The following EVPL variants were observed in gnomAD, a reference collection of about 807,000 sequenced individuals.
EVPL encodes the protein envoplakin.
Under a neutral mutation model 129.7 loss-of-function variants are expected in EVPL, and 94 were observed. The observed-to-expected ratio is 0.72, with a 90% CI of 0.61 to 0.86. The LOEUF is 0.86. Among genes scored for constraint, EVPL ranks in the 40% least tolerant of loss-of-function variants. The pLI, the probability that EVPL is intolerant of heterozygous loss-of-function variation, is 0.00. For synonymous variants in EVPL, 1,172 were observed against 1,191.1 expected, an observed-to-expected ratio of 0.98 and a Z score of 0.33; for missense variants, 2,625 against 2,721.1, an observed-to-expected ratio of 0.96 and a Z score of 0.79.
rs1441678374 is a variant in EVPL at position 76,009,512 on chromosome 17, C to T, written c.3693G>A (p.Val1231=). 1.9e-6 allele frequency: 3 copies of T among 1,613,966 alleles called. No homozygotes were observed. Among genetic ancestry groups the T allele is most frequent in the African/African-American group, 2.7e-5 (2 of 74,920 alleles). ...CCTCCAGGTCGGGCAGCAGCTTCTCCACCTCCTTCTCCACACCGCTCCTCT... is the reference window on the plus strand; with the variant it reads ...CCTCCAGGTCGGGCAGCAGCTTCTCTACCTCCTTCTCCACACCGCTCCTCT... ...AGKRSGVEKE[V]EKLLPDLEVL... Residue 1231 remains valine (V), a synonymous_variant, in exon 22 of 22, where the codon GTG becomes GTA. Transcript: ENST00000301607. The surrounding 1 kb of genome is among the most constrained non-coding windows in gnomAD (Gnocchi z 5.9).
At chr17:76,016,792 A>G (rs745329666) in intron 14 of EVPL, among the ~76,000 whole-genome samples, 2 of 151,974 alleles carry the variant, frequency 1.3e-5, no homozygotes, top group Non-Finnish European at 2.9e-5. Context: ...TGTGGTCCCA[A>G]CTACTCGGGA....
Position 76,009,517 on chromosome 17 carries a change from CCTT to C in EVPL, c.3685_3687del (p.Lys1229del). On this transcript the variant is annotated inframe_deletion, in exon 22 of 22. Coordinates refer to ENST00000301607, the MANE Select transcript of EVPL (RefSeq NM_001988.4). This position sits in a 1 kb window ranked among gnomAD's most constrained non-coding sequence, Gnocchi z 5.9. ...AGGTCGGGCAGCAGCTTCTCCACCT[CCTT>C]CTCCACACCGCTCCTCTTGCCCGCC... 6.2e-7 allele frequency: 1 copy of C among 1,614,038 alleles called. No homozygotes were observed. The highest frequency in any genetic ancestry group is 1.1e-5 in the South Asian group (1 of 91,084).
Position 76,009,727 on chromosome 17 carries a change from C to G in EVPL, c.3478G>C (p.Glu1160Gln), listed in dbSNP as rs763830732. ...QESSRLRSLL[E>Q]EERTKNATLA... The stretch of plus-strand genomic sequence containing the variant: ...GTCGCGTTCTTGGTCCTCTCCTCCT[C>G]GAGGAGGCTCCTCAGCCTGGAGGAC... Residue 1160 changes from glutamate (E) to glutamine (Q), a missense_variant, in exon 22 of 22, where the codon GAG becomes CAG. Glu to Gln is a conservative substitution (Grantham distance 29). Around this residue, in one of 4 missense-constraint regions of EVPL, gnomAD observed 1,453 missense variants for 1,511.8 expected, o/e 0.96. Coordinates refer to ENST00000301607, the MANE Select transcript of EVPL (RefSeq NM_001988.4). The surrounding 1 kb of genome is among the most constrained non-coding windows in gnomAD (Gnocchi z 5.9). 1 of 1,613,662 alleles carries G rather than the reference C, an allele frequency of 6.2e-7. No individual in the cohort carries two copies. Among genetic ancestry groups the G allele is most frequent in the Non-Finnish European group, 8.5e-7 (1 of 1,180,002 alleles).
In EVPL at chr17:76,021,367, G is replaced by T. The variant is rs2066455724; in HGVS notation, c.1011+101C>A. 10 of 1,128,244 alleles carry T rather than the reference G, an allele frequency of 8.9e-6. No individual in the cohort carries two copies. In the South Asian group the frequency reaches 1.3e-4, roughly 14 times the overall value. The allele number at this position is 1,128,244 out of a possible 1,614,324, so 69.9% of individuals were successfully genotyped here. ...CACCGCGCCCTGCCAGCTCTGTCTA[G>T]TTGGGAGGTGCAGTGCCTCTCCTGT... On this transcript the variant is annotated intron_variant, in intron 9 of 21. Transcript: ENST00000301607.
chr17:76,025,525 C>A (rs2066492555), intron 1 of EVPL, among the ~76,000 whole-genome samples: 1 of 152,216 alleles, frequency 6.6e-6, no homozygotes. Flanking sequence ...CCTGGGCGCC[C>A]CTCCTCAGGT....
chr17:76,015,393 A>C, intron 15 of EVPL, 28 bp from the exon 16 acceptor site: 1 of 1,602,666 alleles, frequency 6.2e-7, no homozygotes, highest in South Asian at 1.1e-5. Flanking sequence ...AGGCTCAGAC[A>C]CTCCCTGGGC....
rs75214858 is a variant in EVPL, at chr17:76,009,078, A to G, written c.4127T>C (p.Val1376Ala). The G allele has an allele frequency of 7.4e-6, 12 of 1,613,408 alleles. No individual in the cohort carries two copies. Among genetic ancestry groups the G allele is most frequent in the East Asian group, 4.5e-5 (2 of 44,832 alleles). Residue 1376 changes from valine (V) to alanine (A), a missense_variant, in exon 22 of 22, where the codon GTG becomes GCG. By Grantham distance (64) the Val-to-Ala change is moderately conservative. Transcript: ENST00000301607. This position sits in a 1 kb window ranked among gnomAD's most constrained non-coding sequence, Gnocchi z 5.9. Reference sequence around the variant, plus strand: ...CAGCTTCGGGTCCTTCTGGGTGACCACCACCTCCTGCACCACCACCTTCTC... The same window carrying G: ...CAGCTTCGGGTCCTTCTGGGTGACCGCCACCTCCTGCACCACCACCTTCTC... ...PEEKVVVQEVVVTQKDPKLRE... is the reference protein window; with the variant it reads ...PEEKVVVQEVAVTQKDPKLRE...
Position 76,009,446 on chromosome 17 carries a change from C to A in EVPL, c.3759G>T (p.Val1253=). 6.2e-7 allele frequency: 1 copy of A among 1,614,158 alleles called. No homozygotes were observed. The highest frequency in any genetic ancestry group is 8.5e-7 in the Non-Finnish European group (1 of 1,180,022). The change falls in exon 22 of 22, where the codon GTG becomes GTT. Residue 1253 remains valine, a synonymous_variant. Transcript: ENST00000301607. This position sits in a 1 kb window ranked among gnomAD's most constrained non-coding sequence, Gnocchi z 5.9. ...AQKPTVEYKE[V]TQEVVRHERS... ...TCTCATGCCTCACCACCTCCTGGGT[C>A]ACCTCCTTGTACTCCACCGTGGGCT...
chr17:76,014,302 T>C (rs1300214287), intron 18 of EVPL, 124 bp downstream of exon 18: 2 of 1,323,398 alleles, frequency 1.5e-6, no homozygotes, highest in East Asian at 5.1e-5. Context: ...GCATTTCAGC[T>C]GGAGGCCAGG....
chr17:76,022,643 C>A lies in EVPL; in HGVS notation c.481-105G>T, dbSNP rs1356780527. 6 of 1,446,336 alleles carry A rather than the reference C, an allele frequency of 4.1e-6. No individual in the cohort carries two copies. 89.6% of individuals were successfully genotyped at this position (1,446,336 alleles called of 1,614,324 possible). A position where few individuals can be genotyped will look rare whatever the true frequency, so the allele number is the denominator to read the frequency against. ...AGTGGACTTGGTCATTTGGGCAGAG[C>A]GTGGACGAGCCTGGGAGCAGCCCGG... On this transcript the variant is annotated intron_variant, in intron 4 of 21. Coordinates refer to ENST00000301607, the MANE Select transcript of EVPL (RefSeq NM_001988.4). The surrounding 1 kb of genome is among the most constrained non-coding windows in gnomAD (Gnocchi z 5.6).
At position 76,022,551 on chromosome 17, in the gene EVPL, C is replaced by T. The variant is rs373643052; in HGVS notation, c.481-13G>A. 4.4e-6 allele frequency: 7 copies of T among 1,594,676 alleles called. No individual in the cohort carries two copies. The African/African-American group carries it at 5.4e-5, about 12-fold the overall frequency. On this transcript the variant is annotated splice_polypyrimidine_tract_variant and intron_variant, in intron 4 of 21. Transcript: ENST00000301607. The surrounding 1 kb of genome is among the most constrained non-coding windows in gnomAD (Gnocchi z 5.6). ...CGCAGACCTGCTTCTGCAGGAGAGC[C>T]GGCGGCTCAGTCCCCAAAGGACCGC...
chr17:76,014,512 T>C lies in EVPL; in HGVS notation c.2287A>G (p.Ser763Gly). Residue 763 changes from serine (S) to glycine (G), a missense_variant, in exon 18 of 22, where the codon AGC becomes GGC. Physicochemically the swap from Ser to Gly is moderately conservative, Grantham distance 56. This residue lies in a region of EVPL where 1,024 missense variants were observed against 997.5 expected (regional missense o/e 1.03). Coordinates refer to ENST00000301607, the MANE Select transcript of EVPL (RefSeq NM_001988.4). ...QQFKNCKDNLSSWLEHLPRSQ... is the reference protein window; with the variant it reads ...QQFKNCKDNLGSWLEHLPRSQ... ...CGGGGCAGGTGCTCCAGCCAGGAGC[T>C]CAGGTTATCCTTGCAGTTCTTGAAC... 6.2e-7 allele frequency: 1 copy of C among 1,611,836 alleles called. No homozygotes were observed.
rs773567962 is a variant in EVPL, at chr17:76,015,570, C to T, written c.1769G>A (p.Cys590Tyr). The T allele has an allele frequency of 3.7e-6, 6 of 1,613,362 alleles. No homozygotes were observed. The highest frequency in any genetic ancestry group is 3.3e-5 in the Admixed American group (2 of 60,002). ...GTEKETAQKE[C>Y]EAFLSTRPVG... is the part of the protein sequence containing the mutation. ...GGGCCGCGTGGACAGAAACGCCTCG[C>T]ACTCCTTCTGGGCTGTCTCCTTCTC... Residue 590 changes from cysteine (C) to tyrosine (Y), a missense_variant, in exon 15 of 22, where the codon TGC (cysteine) becomes TAC (tyrosine). Transcript: ENST00000301607.
Position 76,021,787 on chromosome 17 carries a change from G to C in EVPL, c.808-6C>G. ...AGCTCGTGCTGCTTGAAGTGCTGGG[G>C]GCGAGTCGGGTGGGGAGCGGCGGTG... is the stretch of plus-strand genomic sequence containing the variant. On this transcript the variant is annotated splice_region_variant and splice_polypyrimidine_tract_variant and intron_variant, in intron 7 of 21. Transcript: ENST00000301607. 6.3e-7 allele frequency: 1 copy of C among 1,594,686 alleles called. No homozygotes were observed. The highest frequency in any genetic ancestry group is 8.5e-7 in the Non-Finnish European group (1 of 1,173,716).
chr17:76,025,894 G>A (rs2066495239), intron 1 of EVPL, among the ~76,000 whole-genome samples: 1 of 152,220 alleles, frequency 6.6e-6, no homozygotes, highest in African/African-American at 2.4e-5. Context: ...GGTGGTCCAA[G>A]GGAGGCCCAG....
At position 76,008,527 on chromosome 17, in the gene EVPL, G is replaced by A; in HGVS notation, c.4678C>T (p.Leu1560=). 1 of 1,606,706 alleles carries A rather than the reference G, an allele frequency of 6.2e-7. No homozygotes were observed. Among genetic ancestry groups the A allele is most frequent in the South Asian group, 1.1e-5 (1 of 90,966 alleles). Residue 1560 remains leucine (L), a synonymous_variant, in exon 22 of 22, where the codon CTG becomes TTG. Transcript: ENST00000301607. The surrounding 1 kb of genome is among the most constrained non-coding windows in gnomAD (Gnocchi z 7.4). ...RQAREEEARR[L]RERIDRAETL... ...TCGGCCCGGTCAATGCGCTCCCGCA[G>A]GCGCCGTGCCTCCTCCTCCCGGGCC... is the stretch of plus-strand genomic sequence containing the variant.
chr17:76,011,536 CCT>C lies in EVPL; in HGVS notation c.2661+38_2661+39del, dbSNP rs1491288085. ...AATGGAGTGGGCATTCCTGGTTATTCCTGGCTATTGTGGGAAAGCTGTAGGTG... is the reference window on the plus strand; with the variant it reads ...AATGGAGTGGGCATTCCTGGTTATTCGGCTATTGTGGGAAAGCTGTAGGTG... On this transcript the variant is annotated intron_variant, in intron 21 of 21. Transcript: ENST00000301607. The C allele has an allele frequency of 2.2e-5, 35 of 1,564,022 alleles. No individual in the cohort carries two copies. The South Asian group carries it at 3.1e-4, about 14-fold the overall frequency.
chr17:76,025,023 GC>G (rs2066489306), intron 1 of EVPL, among the ~76,000 whole-genome samples: 1 of 152,310 alleles, frequency 6.6e-6, no homozygotes, highest in African/African-American at 2.4e-5. Context: ...AAGGGACAGT[GC>G]TGGTGAAGGC....
chr17:76,022,317 C>G lies in EVPL; in HGVS notation c.607-90G>C. 6.2e-7 allele frequency: 1 copy of G among 1,600,414 alleles called. No individual in the cohort carries two copies. On this transcript the variant is annotated intron_variant, in intron 5 of 21. Coordinates refer to ENST00000301607, the MANE Select transcript of EVPL (RefSeq NM_001988.4). The surrounding 1 kb of genome is among the most constrained non-coding windows in gnomAD (Gnocchi z 5.6). Reference sequence around the variant, plus strand: ...ATCTGGGCCAGCCATACCCCACCCACCCCTATCCCCAGGGCCCAGCCGATC... The same window carrying G: ...ATCTGGGCCAGCCATACCCCACCCAGCCCTATCCCCAGGGCCCAGCCGATC...
Sources: allele counts gnomAD v4.1 joint callset (sites outside exome capture counted in the v4.1 genomes callset), GRCh38; gene constraint gnomAD v4.1.1; regional missense constraint gnomAD v4.1.1; non-coding constraint Gnocchi (gnomAD v3.1); transcripts MANE v1.5; gene names NCBI Gene and HGNC (gene_info 2026-07-23, HGNC 2026-07-21).